The following ROR2 variants were observed in gnomAD, a reference collection of about 807,000 sequenced individuals.
ROR2 encodes tyrosine-protein kinase transmembrane receptor ROR2.
Under a neutral mutation model 74.9 loss-of-function variants are expected in ROR2, and 33 were observed. The ratio of observed to expected loss-of-function variants is 0.44; its 90% CI spans 0.33 to 0.59. The LOEUF (loss-of-function observed/expected upper bound fraction) is 0.59, where lower values mean the gene tolerates loss of function less well. Among genes scored for constraint, ROR2 ranks in the 20% least tolerant of loss-of-function variants. ROR2 has a pLI of 0.02. For missense variants in ROR2, 1,216 were observed against 1,313.8 expected (o/e 0.93, Z 1.15); for synonymous variants, 586 against 558.7 (o/e 1.05, Z -0.69).
At chr9:91,768,635 C>T (rs1826132209) in intron 2 of ROR2, among the ~76,000 whole-genome samples, 1 of 152,202 alleles carries the variant, frequency 6.6e-6, no homozygotes, top group African/African-American at 2.4e-5. Flanking sequence ...TGTCAGAACG[C>T]TACCCCTGGG....
chr9:91,936,979 G>A (rs918457632), intron 1 of ROR2, among the ~76,000 whole-genome samples: 1 of 130,586 alleles, frequency 7.7e-6, no homozygotes, highest in African/African-American at 3.1e-5. Flanking sequence ...GCAGTGAGCC[G>A]AGATCCCGCC....
chr9:91,727,020 T>A (rs537695708), intron 7 of ROR2, among the ~76,000 whole-genome samples: 2 of 152,254 alleles, frequency 1.3e-5, no homozygotes, highest in Admixed American at 1.3e-4. Flanking sequence ...ATTCTAATGA[T>A]CTTAATAACG....
chr9:91,801,157 C>T (rs372773448), intron 1 of ROR2, among the ~76,000 whole-genome samples: 1 of 152,076 alleles, frequency 6.6e-6, no homozygotes, highest in South Asian at 2.1e-4. Context: ...GGACACTTCT[C>T]CATAATTAAC....
intron 1 of ROR2, among the ~76,000 whole-genome samples, chr9:91,777,440 T>TATAACC (rs1333740558): frequency 2.4e-4 from 37 of 151,990 alleles, no homozygotes; most frequent in African/African-American, 8.7e-4. Flanking sequence ...ATCAAAATGT[T>TATAACC]ATTATTAGTT....
chr9:91,765,869 A>G (rs112948758), intron 2 of ROR2, among the ~76,000 whole-genome samples: 3 of 152,212 alleles, frequency 2.0e-5, no homozygotes, highest in Non-Finnish European at 4.4e-5. Context: ...CATAGGCCTT[A>G]TATCAGGGTG....
chr9:91,750,298 T>A (rs1825560129), intron 4 of ROR2, among the ~76,000 whole-genome samples: 1 of 152,256 alleles, frequency 6.6e-6, no homozygotes, highest in Non-Finnish European at 1.5e-5. Context: ...AACACTGAAT[T>A]AGTGAATATT....
chr9:91,932,195 C>A (rs1466878475), intron 1 of ROR2, among the ~76,000 whole-genome samples: 1 of 151,976 alleles, frequency 6.6e-6, no homozygotes. Flanking sequence ...ACCATACACA[C>A]ACAAAAAAAG....
At chr9:91,753,102 C>A (rs1825639752) in intron 4 of ROR2, among the ~76,000 whole-genome samples, 1 of 152,148 alleles carries the variant, frequency 6.6e-6, no homozygotes, top group Admixed American at 6.5e-5. Context: ...CCTAAAAATT[C>A]ATTGTAATTC....
At chr9:91,885,601 T>A (rs1830247037) in intron 1 of ROR2, among the ~76,000 whole-genome samples, 1 of 152,206 alleles carries the variant, frequency 6.6e-6, no homozygotes, top group Non-Finnish European at 1.5e-5. Flanking sequence ...GGAAACATGC[T>A]GGTCCCCGCC....
At chr9:91,856,969 C>CTACT (rs1829311178) in intron 1 of ROR2, among the ~76,000 whole-genome samples, 1 of 152,238 alleles carries the variant, frequency 6.6e-6, no homozygotes, top group South Asian at 2.1e-4. Flanking sequence ...GGTCACCCTA[C>CTACT]TACTGGTAAG....
chr9:91,898,571 G>A (rs542994442), intron 1 of ROR2, among the ~76,000 whole-genome samples: 6 of 152,196 alleles, frequency 3.9e-5, no homozygotes, highest in Non-Finnish European at 8.8e-5. Context: ...TCAAGGGCAA[G>A]ACAAACGTAC....
rs1399289486 is a variant in ROR2 at position 91,731,138 on chromosome 9, C to T, written c.955G>A (p.Gly319Ser). 8 of 1,613,950 alleles carry T rather than the reference C, an allele frequency of 5.0e-6. No individual in the cohort carries two copies. The Admixed American group carries it at 5.0e-5, about 10-fold the overall frequency. Residue 319 changes from glycine to serine, a missense_variant, in exon 7 of 9, where the codon GGC (glycine) becomes AGC (serine). Gly to Ser is a moderately conservative substitution (Grantham distance 56). Transcript: ENST00000375708. ...RLGRYHQCYN[G>S]SGMDYRGTAS... is the part of the protein sequence containing the mutation. ...GTTCCTCTGTAATCCATGCCTGAGC[C>T]GTTATAGCACTGATGGTCTGAACAA... is the stretch of plus-strand genomic sequence containing the variant.
intron 1 of ROR2, among the ~76,000 whole-genome samples, chr9:91,908,757 C>T (rs1437098535): frequency 6.6e-6 from 1 of 152,126 alleles, no homozygotes; most frequent in Non-Finnish European, 1.5e-5. Context: ...AGATTTTAAA[C>T]ATTCAGTAGA....
intron 8 of ROR2, among the ~76,000 whole-genome samples, chr9:91,725,603 T>G (rs1453099203): frequency 6.6e-6 from 1 of 152,214 alleles, no homozygotes; most frequent in African/African-American, 2.4e-5. Context: ...TTGTCACTTA[T>G]AAGAGTCCAA....
intron 1 of ROR2, among the ~76,000 whole-genome samples, chr9:91,924,834 C>CT (rs1047218778): frequency 6.6e-6 from 1 of 151,754 alleles, no homozygotes; most frequent in East Asian, 1.9e-4. Context: ...CAAGAGTTTG[C>CT]TTTTTTTGTT....
intron 1 of ROR2, among the ~76,000 whole-genome samples, chr9:91,881,933 G>T (rs1168902161): frequency 6.6e-6 from 1 of 152,208 alleles, no homozygotes; most frequent in Non-Finnish European, 1.5e-5. Flanking sequence ...AGGCCCTCAG[G>T]CTGGGCAGCA....
intron 2 of ROR2, among the ~76,000 whole-genome samples, chr9:91,770,959 T>C (rs1194077984): frequency 1.3e-5 from 2 of 152,182 alleles, no homozygotes; most frequent in African/African-American, 4.8e-5. Flanking sequence ...CCAATAGGCA[T>C]GGTCTCCATG....
chr9:91,810,715 G>C (rs538485712), intron 1 of ROR2, among the ~76,000 whole-genome samples: 2 of 152,360 alleles, frequency 1.3e-5, no homozygotes, highest in African/African-American at 4.8e-5. Context: ...GGCAGCACCG[G>C]GAGCCCTGCG....
intron 1 of ROR2, among the ~76,000 whole-genome samples, chr9:91,913,895 T>C (rs1831055087): frequency 1.3e-5 from 2 of 152,168 alleles, no homozygotes; most frequent in African/African-American, 2.4e-5. Flanking sequence ...ATGGTTGTGA[T>C]GGCTGTCCAA....
Sources: allele counts gnomAD v4.1 joint callset (sites outside exome capture counted in the v4.1 genomes callset), GRCh38; gene constraint gnomAD v4.1.1; transcripts MANE v1.5; gene names NCBI Gene and HGNC (gene_info 2026-07-23, HGNC 2026-07-21).